Variants in SPOCK3 observed in about 807,000 individuals in gnomAD.
SPOCK3 encodes the protein testican-3.
A neutral mutation model predicts 56.6 loss-of-function variants in SPOCK3; 30 were observed. The ratio of observed to expected loss-of-function variants is 0.53; its 90% CI spans 0.40 to 0.72. SPOCK3 has a LOEUF of 0.72. Among genes scored for constraint, SPOCK3 ranks in the 30% least tolerant of loss-of-function variants. The pLI, the probability that SPOCK3 is intolerant of heterozygous loss-of-function variation, is 0.00. For synonymous variants in SPOCK3, 196 were observed against 183.3 expected, an observed-to-expected ratio of 1.07 and a Z score of -0.56; for missense variants, 527 against 530.0, an observed-to-expected ratio of 0.99 and a Z score of 0.06.
chr4:166,794,935 G>A (rs943293510), intron 6 of SPOCK3, among the ~76,000 whole-genome samples: 1 of 152,004 alleles, frequency 6.6e-6, no homozygotes, highest in African/African-American at 2.4e-5. Context: ...GAGTCACCGC[G>A]CCGGCCCGTT....
intron 4 of SPOCK3, among the ~76,000 whole-genome samples, chr4:166,914,005 C>A (rs1341287918): frequency 1.3e-5 from 2 of 151,718 alleles, no homozygotes; most frequent in Non-Finnish European, 2.9e-5. Flanking sequence ...GATTGAAAAA[C>A]GTGGGCTATT....
intron 7 of SPOCK3, among the ~76,000 whole-genome samples, chr4:166,774,799 C>T (rs1430953883): frequency 1.3e-5 from 2 of 152,150 alleles, no homozygotes; most frequent in African/African-American, 4.8e-5. Context: ...CCTCATCCCT[C>T]CTTATAGGAA....
intron 6 of SPOCK3, among the ~76,000 whole-genome samples, chr4:166,804,526 G>A (rs1742949973): frequency 6.6e-6 from 1 of 152,110 alleles, no homozygotes. Context: ...CAATGTCACA[G>A]GATGTAATTG....
intron 8 of SPOCK3, among the ~76,000 whole-genome samples, chr4:166,749,634 G>C (rs896389408): frequency 6.6e-6 from 1 of 151,130 alleles, no homozygotes; most frequent in South Asian, 2.1e-4. Context: ...CTTAAAGTAT[G>C]ATAAAAAATA....
chr4:166,821,624 AC>A (rs1220952883), intron 6 of SPOCK3, among the ~76,000 whole-genome samples: 1 of 152,194 alleles, frequency 6.6e-6, no homozygotes, highest in Non-Finnish European at 1.5e-5. Flanking sequence ...AAGTACTGAA[AC>A]CTGCTACAAC....
intron 4 of SPOCK3, among the ~76,000 whole-genome samples, chr4:166,985,534 T>G (rs187746956): frequency 6.6e-6 from 1 of 152,322 alleles, no homozygotes; most frequent in East Asian, 1.9e-4. Flanking sequence ...GACTCAATGT[T>G]GTCCTCAATG....
chr4:167,229,952 T>C (rs1736989493), intron 2 of SPOCK3, among the ~76,000 whole-genome samples: 1 of 152,088 alleles, frequency 6.6e-6, no homozygotes, highest in Non-Finnish European at 1.5e-5. Context: ...GTATTTTTAT[T>C]GAAAAACAAA....
At chr4:167,153,267 A>G (rs1208762585) in intron 2 of SPOCK3, among the ~76,000 whole-genome samples, 1 of 152,150 alleles carries the variant, frequency 6.6e-6, no homozygotes, top group Non-Finnish European at 1.5e-5. Context: ...GCACTTAGCG[A>G]TCACTCTCAA....
intron 5 of SPOCK3, among the ~76,000 whole-genome samples, chr4:166,910,052 C>A (rs1737091714): frequency 6.6e-6 from 1 of 151,996 alleles, no homozygotes; most frequent in African/African-American, 2.4e-5. Flanking sequence ...CAAATAAACT[C>A]TTAAAAAAAG....
intron 2 of SPOCK3, among the ~76,000 whole-genome samples, chr4:167,187,914 G>C (rs1477395679): frequency 6.6e-6 from 1 of 152,116 alleles, no homozygotes. Flanking sequence ...GGGCTGCCAT[G>C]CAAGGGTAAG....
At chr4:167,056,391 A>G (rs1483174881) in intron 3 of SPOCK3, among the ~76,000 whole-genome samples, 2 of 152,204 alleles carry the variant, frequency 1.3e-5, no homozygotes, top group Non-Finnish European at 2.9e-5. Flanking sequence ...CTTCTCCTCC[A>G]AAGGAACGCA....
chr4:166,986,720 G>C (rs1444636021), intron 4 of SPOCK3, among the ~76,000 whole-genome samples: 1 of 152,060 alleles, frequency 6.6e-6, no homozygotes, highest in African/African-American at 2.4e-5. Flanking sequence ...TATCTAGGAT[G>C]ATATATCAGT....
intron 2 of SPOCK3, among the ~76,000 whole-genome samples, chr4:167,142,481 A>C (rs906741080): frequency 3.3e-5 from 5 of 152,034 alleles, no homozygotes; most frequent in Non-Finnish European, 5.9e-5. Flanking sequence ...AAGCAAATGA[A>C]ATATAATATA....
At position 167,088,461 on chromosome 4, in the gene SPOCK3, C is replaced by CTT. The variant is rs538566191; in HGVS notation, c.190-25926_190-25925dup. Reference sequence around the variant, plus strand: ...GTCTTGCAAATAACACCTATGAAAACTTTTTTTTTTTTTTTTTTTTTTGAG... The same window carrying CTT: ...GTCTTGCAAATAACACCTATGAAAACTTTTTTTTTTTTTTTTTTTTTTTTGAG... On this transcript the variant is annotated intron_variant, in intron 2 of 10. Transcript: ENST00000357545. 6.9e-3 allele frequency among the ~76,000 whole-genome samples: 761 copies of CTT among 111,062 alleles called. 12 individuals are homozygous for CTT. Among genetic ancestry groups the CTT allele is most frequent in the African/African-American group, 0.019 (499 of 26,208 alleles). The allele number at this position is 111,062 out of a possible 152,430, so 72.9% of individuals were successfully genotyped here.
intron 6 of SPOCK3, among the ~76,000 whole-genome samples, chr4:166,887,088 T>C (rs1331904171): frequency 2.6e-5 from 4 of 152,194 alleles, no homozygotes; most frequent in Non-Finnish European, 4.4e-5. Flanking sequence ...TATATTAATA[T>C]ACACACTATA....
chr4:166,750,869 T>C (rs1454465579), intron 8 of SPOCK3, among the ~76,000 whole-genome samples: 1 of 152,176 alleles, frequency 6.6e-6, no homozygotes, highest in African/African-American at 2.4e-5. Context: ...CAAATATATA[T>C]GGATAATATA....
At chr4:167,133,452 C>T (rs75472772) in intron 2 of SPOCK3, among the ~76,000 whole-genome samples, 6 of 152,216 alleles carry the variant, frequency 3.9e-5, no homozygotes, top group South Asian at 2.1e-4. Context: ...TTTGAAGCCA[C>T]GACATTTGAG....
chr4:166,943,401 T>C (rs137931123), intron 4 of SPOCK3, among the ~76,000 whole-genome samples: 216 of 152,288 alleles, frequency 1.4e-3, no homozygotes, highest in Non-Finnish European at 2.5e-3. Context: ...AAAAGAGATA[T>C]AATACTTAAT....
At chr4:167,227,250 T>C (rs1277717819) in intron 2 of SPOCK3, among the ~76,000 whole-genome samples, 2 of 152,104 alleles carry the variant, frequency 1.3e-5, no homozygotes, top group Non-Finnish European at 2.9e-5. Context: ...GGCATTTCTA[T>C]TTTGGCAAGT....
Sources: gnomAD v4.1 joint callset for allele counts (sites outside exome capture counted in the v4.1 genomes callset) on GRCh38, gnomAD v4.1.1 for gene constraint, MANE v1.5 for transcripts, NCBI Gene and HGNC (gene_info 2026-07-23, HGNC 2026-07-21) for gene names.